The following GRIK3 variants were observed in gnomAD, a reference collection of about 807,000 sequenced individuals.
The protein encoded by GRIK3 is glutamate receptor ionotropic, kainate 3.
Under a neutral mutation model 102.5 loss-of-function variants are expected in GRIK3, and 29 were observed. The ratio of observed to expected loss-of-function variants is 0.28; its 90% confidence interval spans 0.21 to 0.39. GRIK3 has a LOEUF of 0.39. Among genes scored for constraint, GRIK3 ranks in the 10% least tolerant of loss-of-function variants. The pLI is 1.00. For missense variants in GRIK3, 908 were observed against 1,252.4 expected, an observed-to-expected ratio of 0.73 and a Z score of 4.15; for synonymous variants, 511 against 504.9, an observed-to-expected ratio of 1.01 and a Z score of -0.16.
In GRIK3 at chr1:36,804,916, C is replaced by G. The variant is rs771370164; in HGVS notation, c.2565+71G>C. The G allele has an allele frequency of 2.6e-6, 4 of 1,559,338 alleles. No homozygotes were observed. The South Asian group carries it at 4.8e-5, about 19-fold the overall frequency. ...AGATGAGACACCACTGTGTGCCTGG[C>G]ACATACAGGAGTGAAATCAGCGCGA... is the stretch of plus-strand genomic sequence containing the variant. On this transcript the variant is annotated intron_variant, in intron 15 of 15. Coordinates refer to ENST00000373091, the MANE Select transcript of GRIK3 (RefSeq NM_000831.4).
intron 1 of GRIK3, among the ~76,000 whole-genome samples, chr1:36,959,663 C>T (rs1179598518): frequency 1.5e-5 from 2 of 133,302 alleles, no homozygotes; most frequent in Admixed American, 7.4e-5. Context: ...AGCTTGTATG[C>T]CCTGTGAGTC....
In GRIK3 at chr1:36,819,424, C is replaced by T. The variant is rs571752578; in HGVS notation, c.1873+312G>A. On this transcript the variant is annotated intron_variant, in intron 12 of 15. Coordinates refer to ENST00000373091, the MANE Select transcript of GRIK3 (RefSeq NM_000831.4). This position sits in a 1 kb window ranked among gnomAD's most constrained non-coding sequence, Gnocchi z 4.1. Reference sequence around the variant, plus strand: ...TGATGAGGCCATGGGCAGGGTCAGCCGCAGCCAGCAGGGTGCTCTATGTCC... The same window carrying T: ...TGATGAGGCCATGGGCAGGGTCAGCTGCAGCCAGCAGGGTGCTCTATGTCC... 3.9e-5 allele frequency among the ~76,000 whole-genome samples: 6 copies of T among 152,334 alleles called. No homozygotes were observed. The highest frequency in any genetic ancestry group is 1.9e-4 in the East Asian group (1 of 5,178).
intron 5 of GRIK3, among the ~76,000 whole-genome samples, chr1:36,865,126 T>C (rs1640768199): frequency 6.6e-6 from 1 of 152,230 alleles, no homozygotes; most frequent in African/African-American, 2.4e-5. Flanking sequence ...ATCACTGTTA[T>C]TGCCAGGAAG....
At position 36,882,331 on chromosome 1, in the gene GRIK3, C is replaced by T. The variant is rs571617959; in HGVS notation, c.293-1440G>A. Among the ~76,000 whole-genome samples the T allele has an allele frequency of 5.3e-5, 8 of 152,244 alleles. No individual in the cohort carries two copies. In the East Asian group the frequency reaches 7.7e-4, roughly 15 times the overall value. ...AGGTGAGGCAGCAGATGCTTTCCAC[C>T]GGCCTGGGATGGTAGAACATCAGTG... On this transcript the variant is annotated intron_variant, in intron 2 of 15. Coordinates refer to ENST00000373091, the MANE Select transcript of GRIK3 (RefSeq NM_000831.4).
At chr1:36,853,518 T>G (rs926859102) in intron 8 of GRIK3, 97 bp downstream of exon 8, 4 of 779,458 alleles carry the variant, frequency 5.1e-6, no homozygotes, top group African/African-American at 5.1e-5. Flanking sequence ...GGACTGTGTC[T>G]TGCCCCTTGC....
At chr1:36,927,665 G>A (rs989374854) in intron 1 of GRIK3, among the ~76,000 whole-genome samples, 3 of 152,180 alleles carry the variant, frequency 2.0e-5, no homozygotes, top group Non-Finnish European at 4.4e-5. Flanking sequence ...AGGCAAGAAC[G>A]AAGAGGGTCA....
chr1:36,833,944 C>T (rs1200587445), intron 10 of GRIK3, among the ~76,000 whole-genome samples: 2 of 152,180 alleles, frequency 1.3e-5, no homozygotes, highest in African/African-American at 4.8e-5. Flanking sequence ...CAAGATCTTC[C>T]CCCAAAGTTT....
chr1:36,807,668 C>T (rs1642515810), intron 13 of GRIK3, among the ~76,000 whole-genome samples: 1 of 152,128 alleles, frequency 6.6e-6, no homozygotes, highest in Non-Finnish European at 1.5e-5. Context: ...CTGTCCCCTC[C>T]TAAACTGGCT....
intron 1 of GRIK3, among the ~76,000 whole-genome samples, chr1:37,011,254 C>T (rs1339802961): frequency 3.9e-5 from 6 of 152,170 alleles, no homozygotes; most frequent in Admixed American, 2.6e-4. Flanking sequence ...GGGAGACTAA[C>T]GGTTCTTGTC....
intron 1 of GRIK3, among the ~76,000 whole-genome samples, chr1:36,911,098 G>T (rs1402475258): frequency 6.6e-6 from 1 of 152,124 alleles, no homozygotes; most frequent in African/African-American, 2.4e-5. Context: ...ACAGTGAGGA[G>T]GACCTGTACA....
intron 1 of GRIK3, among the ~76,000 whole-genome samples, chr1:37,014,619 C>G (rs1642632636): frequency 1.3e-5 from 2 of 152,222 alleles, no homozygotes; most frequent in South Asian, 4.1e-4. Flanking sequence ...TTTTATGGTA[C>G]TTATCCAATA....
In GRIK3 at chr1:36,869,818, T is replaced by C. The variant is rs1640822894; in HGVS notation, c.733-17A>G. 2 of 1,605,216 alleles carry C rather than the reference T, an allele frequency of 1.2e-6. No individual in the cohort carries two copies. The highest frequency in any genetic ancestry group is 1.7e-6 in the Non-Finnish European group (2 of 1,172,112). On this transcript the variant is annotated splice_polypyrimidine_tract_variant and intron_variant, in intron 4 of 15. Coordinates refer to ENST00000373091, the MANE Select transcript of GRIK3 (RefSeq NM_000831.4). ...GGCCATGGCCTGCAGAAAAGCAGAG[T>C]GTTAGTGATCAGCAGGGAACCCCTG... is the stretch of plus-strand genomic sequence containing the variant.
At chr1:36,857,836 A>G (rs972372033) in intron 7 of GRIK3, among the ~76,000 whole-genome samples, 4 of 152,108 alleles carry the variant, frequency 2.6e-5, no homozygotes, top group Admixed American at 2.0e-4. Flanking sequence ...CTTTATTTAC[A>G]TATGGGATTC....
intron 1 of GRIK3, among the ~76,000 whole-genome samples, chr1:36,980,234 T>A (rs1240982880): frequency 1.3e-5 from 2 of 152,126 alleles, no homozygotes; most frequent in Non-Finnish European, 2.9e-5. Context: ...ATACTTCTCA[T>A]TGCTCTTAAG....
At chr1:36,965,415 A>G (rs191615396) in intron 1 of GRIK3, among the ~76,000 whole-genome samples, 1 of 152,220 alleles carries the variant, frequency 6.6e-6, no homozygotes, top group Non-Finnish European at 1.5e-5. Context: ...GCCAGCGAAC[A>G]GTGAGTCACT....
At chr1:36,975,170 C>T (rs150651434) in intron 1 of GRIK3, among the ~76,000 whole-genome samples, 9 of 151,934 alleles carry the variant, frequency 5.9e-5, no homozygotes, top group Non-Finnish European at 1.2e-4. Flanking sequence ...ATATAGGTAT[C>T]ACAATAAAAC....
intron 1 of GRIK3, among the ~76,000 whole-genome samples, chr1:36,999,073 C>G (rs779408908): frequency 1.3e-5 from 2 of 151,710 alleles, no homozygotes; most frequent in Non-Finnish European, 2.9e-5. Flanking sequence ...ATGAACAGAC[C>G]TGGGAGGGTG....
At chr1:36,945,316 G>C (rs1194315087) in intron 1 of GRIK3, among the ~76,000 whole-genome samples, 1 of 152,250 alleles carries the variant, frequency 6.6e-6, no homozygotes, top group Non-Finnish European at 1.5e-5. Context: ...GTGGAGTGGA[G>C]GTTGTGGGGA....
intron 1 of GRIK3, among the ~76,000 whole-genome samples, chr1:36,894,945 ACCTGCTGGGGTTTCATGAGAGACT>A: frequency 6.6e-6 from 1 of 152,316 alleles, no homozygotes; most frequent in African/African-American, 2.4e-5. Context: ...CCAGAGCCTA[ACCTGCTGGGGTTTCATGAGAGACT>A]AACTGACCTG....
Sources: gnomAD v4.1 joint callset for allele counts (sites outside exome capture counted in the v4.1 genomes callset) on GRCh38, gnomAD v4.1.1 for gene constraint, Gnocchi (gnomAD v3.1) non-coding constraint, MANE v1.5 for transcripts, NCBI Gene and HGNC (gene_info 2026-07-23, HGNC 2026-07-21) for gene names.